Variants in VAV1 observed in about 807,000 individuals in gnomAD.
The protein encoded by VAV1 is vav guanine nucleotide exchange factor 1.
In VAV1, 33 loss-of-function variants were observed where a neutral mutation model predicts 128.1. That is an observed-to-expected ratio of 0.26 (90% CI 0.20 to 0.34). VAV1 has a LOEUF of 0.34. Ranked by LOEUF, VAV1 falls within the 10% of genes least tolerant of loss-of-function variation. VAV1 has a pLI of 1.00. For missense variants in VAV1, 715 were observed against 1,093.7 expected (o/e 0.65, Z 4.88); for synonymous variants, 394 against 409.8 (o/e 0.96, Z 0.47).
At chr19:6,834,763 G>C (rs953136604) in intron 19 of VAV1, among the ~76,000 whole-genome samples, 5 of 148,816 alleles carry the variant, frequency 3.4e-5, no homozygotes, top group Non-Finnish European at 7.4e-5. Flanking sequence ...TCCCAGGCTG[G>C]AGTGCAGAGG....
rs77181856 is a variant in VAV1, at chr19:6,854,122, C to T, written c.2484+24C>T. 807 of 1,609,066 alleles carry T rather than the reference C, an allele frequency of 5.0e-4. 5 individuals carry two copies. In the African/African-American group the frequency reaches 9.0e-3, roughly 18 times the overall value. ...GGGTGAGGCAGGCAGGGCTGGGTGA[C>T]GGGGAGGGCATGGGGGTTGAGCTGG... On this transcript the variant is annotated intron_variant, in intron 26 of 26. Coordinates refer to ENST00000602142, the MANE Select transcript of VAV1 (RefSeq NM_005428.4).
At chr19:6,824,720 C>T (rs567740930) in intron 6 of VAV1, among the ~76,000 whole-genome samples, 48 of 152,020 alleles carry the variant, frequency 3.2e-4, no homozygotes, top group Admixed American at 5.9e-4. Context: ...TTAGTAGAGA[C>T]GGGGTTTCAC....
At chr19:6,798,938 A>T (rs1971202989) in intron 1 of VAV1, among the ~76,000 whole-genome samples, 1 of 107,140 alleles carries the variant, frequency 9.3e-6, no homozygotes, top group Non-Finnish European at 1.8e-5. Context: ...CCCACCTCTC[A>T]TTCCCTCGTA....
chr19:6,780,118 TAATAATA>T (rs1568281111), intron 1 of VAV1, among the ~76,000 whole-genome samples: 1,393 of 74,958 alleles, frequency 0.019, 66 homozygotes, highest in Non-Finnish European at 0.028. Context: ...CTTAAAATAA[TAATAATA>T]ATAATAATAA....
At chr19:6,856,551 G>C (rs1006031469) in intron 26 of VAV1, among the ~76,000 whole-genome samples, 2 of 151,274 alleles carry the variant, frequency 1.3e-5, no homozygotes, top group African/African-American at 4.9e-5. Context: ...GTGAAACCCC[G>C]TCTCTACTAA....
chr19:6,855,861 T>C (rs1487810273), intron 26 of VAV1, among the ~76,000 whole-genome samples: 1 of 152,148 alleles, frequency 6.6e-6, no homozygotes, highest in Admixed American at 6.6e-5. Context: ...ATTATCTATC[T>C]ACCTATCTAT....
In VAV1 at chr19:6,836,512, A is replaced by G; in HGVS notation, c.1858A>G (p.Asn620Asp). ...AGCCATTGGACCCTTTCTACGGCTC[A>G]ACCCTGGAGACATTGTGGAGCTCAC... ...PGAIGPFLRL[N>D]PGDIVELTKA... Residue 620 changes from asparagine to aspartate, a missense_variant, in exon 20 of 27, where the codon AAC (asparagine) becomes GAC (aspartate). Around this residue, in one of 3 missense-constraint regions of VAV1, gnomAD observed 407 missense variants for 580.6 expected, o/e 0.70. Transcript: ENST00000602142. The G allele has an allele frequency of 1.2e-6, 2 of 1,614,096 alleles. No homozygotes were observed. The highest frequency in any genetic ancestry group is 1.7e-6 in the Non-Finnish European group (2 of 1,180,010).
At position 6,820,766 on chromosome 19, in the gene VAV1, G is replaced by A. The variant is rs767189353; in HGVS notation, c.269G>A (p.Arg90Gln). The A allele has an allele frequency of 2.7e-5, 43 of 1,614,164 alleles. No homozygotes were observed. Among genetic ancestry groups the A allele is most frequent in the South Asian group, 5.5e-5 (5 of 91,080 alleles). ...TGCTGTGAGAAGTTCGGCCTCAAGC[G>A]GAGCGAGCTCTTCGAAGCCTTTGAC... The part of the protein sequence containing the change: ...STCCEKFGLK[R>Q]SELFEAFDLF... Residue 90 changes from arginine to glutamine, a missense_variant, in exon 2 of 27, where the codon CGG becomes CAG. Around this residue, in one of 3 missense-constraint regions of VAV1, gnomAD observed 302 missense variants for 477.8 expected, o/e 0.63. Transcript: ENST00000602142. The surrounding 1 kb of genome is among the most constrained non-coding windows in gnomAD (Gnocchi z 4.4).
chr19:6,802,941 A>ACCTTTT, intron 1 of VAV1, among the ~76,000 whole-genome samples: 1 of 152,284 alleles, frequency 6.6e-6, no homozygotes, highest in African/African-American at 2.4e-5. Context: ...TACCCAAAGG[A>ACCTTTT]GTTGAACATT....
At chr19:6,846,358 G>A (rs937730850) in intron 22 of VAV1, among the ~76,000 whole-genome samples, 1 of 151,046 alleles carries the variant, frequency 6.6e-6, no homozygotes, top group Admixed American at 6.6e-5. Flanking sequence ...AGGCTGAGGC[G>A]GGTGGATCAC....
At chr19:6,783,203 C>T (rs1020486728) in intron 1 of VAV1, among the ~76,000 whole-genome samples, 2 of 152,068 alleles carry the variant, frequency 1.3e-5, no homozygotes, top group Non-Finnish European at 2.9e-5. Context: ...CAAAAACAAA[C>T]AAAACCAAAC....
At chr19:6,815,073 G>A (rs368409126) in intron 1 of VAV1, among the ~76,000 whole-genome samples, 1 of 152,004 alleles carries the variant, frequency 6.6e-6, no homozygotes, top group African/African-American at 2.4e-5. Flanking sequence ...AGCCTTGGGC[G>A]AGCAACAGAA....
chr19:6,825,244 C>A, intron 7 of VAV1, 59 bp from the exon 8 acceptor site: 1 of 1,584,676 alleles, frequency 6.3e-7, no homozygotes, highest in South Asian at 1.1e-5. Flanking sequence ...TGACCCTTTC[C>A]TTCCTGGCCC....
chr19:6,786,419 G>A (rs113104679), intron 1 of VAV1, among the ~76,000 whole-genome samples: 3 of 151,926 alleles, frequency 2.0e-5, no homozygotes, highest in Non-Finnish European at 4.4e-5. Flanking sequence ...CTATGATCCT[G>A]CCACTGCACT....
Position 6,857,223 on chromosome 19 carries a change from G to A in VAV1, c.*116G>A. The A allele has an allele frequency of 7.0e-7, 1 of 1,418,518 alleles. No individual in the cohort carries two copies. Among genetic ancestry groups the A allele is most frequent in the East Asian group, 2.3e-5 (1 of 42,796 alleles). The allele number at this position is 1,418,518 out of a possible 1,614,324, so 87.9% of individuals were successfully genotyped here. On this transcript the variant is annotated 3_prime_UTR_variant, in exon 27 of 27. Coordinates refer to ENST00000602142, the MANE Select transcript of VAV1 (RefSeq NM_005428.4). ...CGGGTGGAGACTTTGGGATGGACTG[G>A]AGGAGGCCAGCGTCCAGCTGGCGGT...
intron 1 of VAV1, among the ~76,000 whole-genome samples, chr19:6,809,920 C>T (rs944048933): frequency 6.6e-6 from 1 of 151,940 alleles, no homozygotes; most frequent in African/African-American, 2.4e-5. Flanking sequence ...CCTGTAATAC[C>T]AGCACTTTGG....
At chr19:6,793,265 C>T (rs554327020) in intron 1 of VAV1, among the ~76,000 whole-genome samples, 51 of 151,800 alleles carry the variant, frequency 3.4e-4, no homozygotes, top group African/African-American at 1.2e-3. Flanking sequence ...ACCTGGGAGG[C>T]GGAGCTTGCA....
chr19:6,773,984 G>A lies in VAV1; in HGVS notation c.204+973G>A, dbSNP rs1034994765. ...GGTCTGAGGGGACAGCTCCCATCTG[G>A]TCCTCAGGCTGGCCCTGCAGATGAA... is the stretch of plus-strand genomic sequence containing the variant. On this transcript the variant is annotated intron_variant, in intron 1 of 26. Coordinates refer to ENST00000602142, the MANE Select transcript of VAV1 (RefSeq NM_005428.4). Among the ~76,000 whole-genome samples the A allele has an allele frequency of 5.3e-5, 8 of 152,212 alleles. No homozygotes were observed. In the East Asian group the frequency reaches 1.5e-3, roughly 29 times the overall value.
chr19:6,799,324 C>T (rs767776261), intron 1 of VAV1, among the ~76,000 whole-genome samples: 4 of 152,060 alleles, frequency 2.6e-5, no homozygotes, highest in East Asian at 1.9e-4. Flanking sequence ...TGCGCCACCA[C>T]GCCTGGCTAA....
Sources: gnomAD v4.1 joint callset for allele counts (sites outside exome capture counted in the v4.1 genomes callset) on GRCh38, gnomAD v4.1.1 for gene constraint, gnomAD v4.1.1 regional missense constraint, Gnocchi (gnomAD v3.1) non-coding constraint, MANE v1.5 for transcripts, NCBI Gene and HGNC (gene_info 2026-07-23, HGNC 2026-07-21) for gene names.